Variants in MAX observed in about 807,000 individuals in gnomAD.
The protein encoded by MAX is protein max.
Under a neutral mutation model 22.3 loss-of-function variants are expected in MAX, and 3 were observed. The observed-to-expected ratio is 0.13, with a 90% CI of 0.06 to 0.35. The LOEUF is 0.35. Among genes scored for constraint, MAX ranks in the 10% least tolerant of loss-of-function variants. The pLI, the probability that MAX is intolerant of heterozygous loss-of-function variation, is 1.00. For missense variants in MAX, 119 were observed against 209.4 expected, an observed-to-expected ratio of 0.57 and a Z score of 2.66; for synonymous variants, 72 against 77.7, an observed-to-expected ratio of 0.93 and a Z score of 0.39.
At chr14:65,041,858 AG>A (rs909274841) in intron 3 of MAX, among the ~76,000 whole-genome samples, 1 of 152,228 alleles carries the variant, frequency 6.6e-6, no homozygotes, top group African/African-American at 2.4e-5. Flanking sequence ...GAAACAAAAA[AG>A]TCCCATCTCC....
At chr14:65,057,612 G>A (rs2062766174) in intron 3 of MAX, among the ~76,000 whole-genome samples, 1 of 152,168 alleles carries the variant, frequency 6.6e-6, no homozygotes, top group South Asian at 2.1e-4. Context: ...AAATTGTGAT[G>A]CGTGCTATGA....
intron 3 of MAX, among the ~76,000 whole-genome samples, chr14:65,053,003 T>C (rs984083892): frequency 6.6e-6 from 1 of 152,148 alleles, no homozygotes; most frequent in Non-Finnish European, 1.5e-5. Flanking sequence ...ACAGGGTGCA[T>C]TTCAAGAAAG....
intron 3 of MAX, chr14:65,022,221 C>T (rs2061901737): frequency 5.4e-6 from 2 of 369,594 alleles, no homozygotes; most frequent in South Asian, 2.0e-5. Flanking sequence ...ATTTACATCC[C>T]CTCCTAAGCC....
intron 3 of MAX, chr14:65,022,064 G>A (rs1016471711): frequency 6.6e-6 from 3 of 455,976 alleles, no homozygotes; most frequent in Admixed American, 2.4e-5. Context: ...GAGGCCACCC[G>A]GAATCAACAA....
chr14:65,044,371 C>T lies in MAX; in HGVS notation c.172-38087G>A, dbSNP rs573391527. 3.7e-5 allele frequency: 60 copies of T among 1,613,526 alleles called. No individual in the cohort carries two copies. In the Middle Eastern group the frequency reaches 6.6e-4, roughly 18 times the overall value. ...AGGATTTCAGGGCCGCTGCAACAAG[C>T]TGGTGGATGGCTGCTACTCCTTCTG... On this transcript the variant is annotated intron_variant, in intron 3 of 3. Transcript: ENST00000341653. The surrounding 1 kb of genome is among the most constrained non-coding windows in gnomAD (Gnocchi z 5.5).
At chr14:65,016,426 C>A (rs1013657431) in intron 3 of MAX, 4 of 152,248 alleles carry the variant, frequency 2.6e-5, no homozygotes, top group Non-Finnish European at 5.9e-5. Context: ...TCCAAGAGAT[C>A]CACTGAGAGG....
rs1439965443 is a variant in MAX, at chr14:65,027,880, C to T, written c.172-21596G>A. The T allele has an allele frequency of 1.3e-6, 2 of 1,498,364 alleles. No individual in the cohort carries two copies. The highest frequency in any genetic ancestry group is 1.8e-6 in the Non-Finnish European group (2 of 1,093,764). The allele number at this position is 1,498,364 out of a possible 1,614,324, so 92.8% of individuals were successfully genotyped here. ...AAGGAACATCATGGGGAAGCTGCTG[C>T]TTTGTCCCAGAATGACACATGGGAT... On this transcript the variant is annotated intron_variant, in intron 3 of 3. Transcript: ENST00000341653. The surrounding 1 kb of genome is among the most constrained non-coding windows in gnomAD (Gnocchi z 5.7).
At chr14:65,033,018 C>G (rs1178583913) in intron 3 of MAX, among the ~76,000 whole-genome samples, 1 of 152,110 alleles carries the variant, frequency 6.6e-6, no homozygotes, top group Non-Finnish European at 1.5e-5. Context: ...CCAGTAATTC[C>G]ACTCCCACAG....
intron 1 of MAX, 35 bp from the exon 2 acceptor site, chr14:65,101,607 T>C (rs370364197): frequency 6.0e-5 from 90 of 1,496,890 alleles, no homozygotes; most frequent in Non-Finnish European, 7.8e-5. Context: ...ATAGAAAATA[T>C]AGAAGTTATT....
chr14:65,075,536 GAAGA>G lies in MAX; in HGVS notation c.*936_*939del, dbSNP rs1349680238. 1.9e-6 allele frequency: 2 copies of G among 1,065,374 alleles called. No individual in the cohort carries two copies. Among genetic ancestry groups the G allele is most frequent in the Non-Finnish European group, 2.3e-6 (2 of 879,152 alleles). The allele number at this position is 1,065,374 out of a possible 1,614,324, so 66.0% of individuals were successfully genotyped here. On this transcript the variant is annotated 3_prime_UTR_variant, in exon 5 of 5. Transcript: ENST00000358664. The surrounding 1 kb of genome is among the most constrained non-coding windows in gnomAD (Gnocchi z 4.1). The stretch of plus-strand genomic sequence containing the variant: ...CTCTATTTCTTAGAAATACACACGG[GAAGA>G]AAGAAAGATTTCATCATTACTTTAT...
At chr14:65,049,571 G>A (rs2062561300) in intron 3 of MAX, among the ~76,000 whole-genome samples, 3 of 152,104 alleles carry the variant, frequency 2.0e-5, no homozygotes, top group Non-Finnish European at 4.4e-5. Flanking sequence ...TTTGAACTTT[G>A]AGCTTCTATG....
intron 3 of MAX, among the ~76,000 whole-genome samples, chr14:65,053,009 G>GA (rs1272839265): frequency 1.3e-5 from 2 of 152,204 alleles, no homozygotes; most frequent in Non-Finnish European, 2.9e-5. Context: ...TGCATTTCAA[G>GA]AAAGTGAAAG....
chr14:65,036,993 T>G (rs774888815), intron 3 of MAX, among the ~76,000 whole-genome samples: 12 of 152,148 alleles, frequency 7.9e-5, no homozygotes, highest in Non-Finnish European at 1.8e-4. Context: ...TGGATTATTT[T>G]TATTCATTTT....
chr14:65,102,449 T>A lies in MAX; in HGVS notation c.-110A>T, dbSNP rs886050636. ...AGCCGAGTCCCCCCCACACACACACTCACTCACTCACTCACTCGCTCTCTC... is the reference window on the plus strand; with the variant it reads ...AGCCGAGTCCCCCCCACACACACACACACTCACTCACTCACTCGCTCTCTC... On this transcript the variant is annotated 5_prime_UTR_variant, in exon 1 of 5. Coordinates refer to ENST00000358664, the MANE Select transcript of MAX (RefSeq NM_002382.5). 8 of 1,487,942 alleles carry A rather than the reference T, an allele frequency of 5.4e-6. No homozygotes were observed. Among genetic ancestry groups the A allele is most frequent in the Non-Finnish European group, 7.2e-6 (8 of 1,106,176 alleles). The allele number at this position is 1,487,942 out of a possible 1,614,324, so 92.2% of individuals were successfully genotyped here.
chr14:65,055,409 T>C (rs1266020557), intron 3 of MAX, among the ~76,000 whole-genome samples: 1 of 152,194 alleles, frequency 6.6e-6, no homozygotes, highest in Non-Finnish European at 1.5e-5. Flanking sequence ...TAAGCCCTAC[T>C]TCCACCAGTG....
chr14:65,044,267 T>G lies in MAX; in HGVS notation c.172-37983A>C. The G allele has an allele frequency of 2.5e-6, 4 of 1,606,784 alleles. No individual in the cohort carries two copies. The highest frequency in any genetic ancestry group is 3.4e-6 in the Non-Finnish European group (4 of 1,177,106). ...GGAGATTCTGTCGGGCTGGATTTTGTCTCTTTTAGCCTACAACTGCCTTTC... is the reference window on the plus strand; with the variant it reads ...GGAGATTCTGTCGGGCTGGATTTTGGCTCTTTTAGCCTACAACTGCCTTTC... On this transcript the variant is annotated intron_variant, in intron 3 of 3. Coordinates refer to the MAX transcript ENST00000341653. This position sits in a 1 kb window ranked among gnomAD's most constrained non-coding sequence, Gnocchi z 5.5.
At chr14:65,065,100 A>G (rs1232559459) in intron 3 of MAX, among the ~76,000 whole-genome samples, 1 of 151,550 alleles carries the variant, frequency 6.6e-6, no homozygotes, top group African/African-American at 2.4e-5. Context: ...GTGACCTAAA[A>G]TAGTCTAAAG....
chr14:65,055,254 C>G (rs2062706609), intron 3 of MAX, among the ~76,000 whole-genome samples: 1 of 152,218 alleles, frequency 6.6e-6, no homozygotes, highest in East Asian at 1.9e-4. Flanking sequence ...ATGCTCACTG[C>G]TGCAGCCAGC....
In MAX at chr14:65,009,188, A is replaced by C. The variant is rs984744999; in HGVS notation, c.172-2904T>G. Reference sequence around the variant, plus strand: ...AGGGTATTAGTCAGCTTGGGCTGCCATAAGACGGTATCACAGATGGGGTGC... The same window carrying C: ...AGGGTATTAGTCAGCTTGGGCTGCCCTAAGACGGTATCACAGATGGGGTGC... On this transcript the variant is annotated intron_variant, in intron 3 of 3. Transcript: ENST00000341653. The surrounding 1 kb of genome is among the most constrained non-coding windows in gnomAD (Gnocchi z 4.2). Among the ~76,000 whole-genome samples, 1 of 152,170 alleles carries C rather than the reference A, an allele frequency of 6.6e-6. No homozygotes were observed. The highest frequency in any genetic ancestry group is 2.4e-5 in the African/African-American group (1 of 41,418).
Sources: allele counts gnomAD v4.1 joint callset (sites outside exome capture counted in the v4.1 genomes callset), GRCh38; gene constraint gnomAD v4.1.1; non-coding constraint Gnocchi (gnomAD v3.1); transcripts MANE v1.5; gene names NCBI Gene and HGNC (gene_info 2026-07-23, HGNC 2026-07-21).